RERE: variants seen among roughly 807,000 people sequenced by gnomAD.
RERE encodes the protein arginine-glutamic acid dipeptide repeats protein.
A neutral mutation model predicts 146.1 loss-of-function variants in RERE; 40 were observed. The ratio of observed to expected loss-of-function variants is 0.27; its 90% CI spans 0.21 to 0.36. The LOEUF is 0.36. Among genes scored for constraint, RERE ranks in the 10% least tolerant of loss-of-function variants. The pLI is 1.00. For synonymous variants in RERE, 1,003 were observed against 866.0 expected (o/e 1.16, Z -2.78); for missense variants, 1,933 against 2,138.7 (o/e 0.90, Z 1.90).
intron 6 of RERE, among the ~76,000 whole-genome samples, chr1:8,546,804 C>T (rs1481230442): frequency 6.7e-6 from 1 of 149,986 alleles, no homozygotes; most frequent in Non-Finnish European, 1.5e-5. Flanking sequence ...GCCAAGATGG[C>T]GCCACTACAA....
chr1:8,536,528 C>T (rs1346684043), intron 7 of RERE, among the ~76,000 whole-genome samples: 2 of 152,216 alleles, frequency 1.3e-5, no homozygotes, highest in African/African-American at 4.8e-5. Flanking sequence ...ACCACCGACG[C>T]TGGTGTTTTA....
Position 8,654,787 on chromosome 1 carries a change from C to T in RERE, c.325+1186G>A, listed in dbSNP as rs530800529. 2.6e-5 allele frequency among the ~76,000 whole-genome samples: 4 copies of T among 152,070 alleles called. No homozygotes were observed. In the East Asian group the frequency reaches 7.7e-4, roughly 29 times the overall value. ...TAGCTGGGACTACAGGTGTGTGCCA[C>T]CAGGCCCAGCTAATTTGTAAAAATT... On this transcript the variant is annotated intron_variant, in intron 2 of 22. Transcript: ENST00000400908.
rs761559143 is a variant in RERE at position 8,463,857 on chromosome 1, C to T, written c.1203+2068G>A. Among the ~76,000 whole-genome samples the T allele has an allele frequency of 5.4e-4, 82 of 152,312 alleles. 1 individual carries two copies. Among genetic ancestry groups the T allele is most frequent in the South Asian group, 6.2e-4 (3 of 4,828 alleles). On this transcript the variant is annotated intron_variant, in intron 11 of 22. Coordinates refer to ENST00000400908, the MANE Select transcript of RERE (RefSeq NM_001042681.2). Reference sequence around the variant, plus strand: ...TTGCAAGCTGACAAGGCCCTGAGGCCGCCTAGGCCAGGCTGAGAGGACTGA... The same window carrying T: ...TTGCAAGCTGACAAGGCCCTGAGGCTGCCTAGGCCAGGCTGAGAGGACTGA...
intron 4 of RERE, among the ~76,000 whole-genome samples, chr1:8,568,024 T>C (rs1646172740): frequency 6.6e-6 from 1 of 152,228 alleles, no homozygotes; most frequent in African/African-American, 2.4e-5. Context: ...TGGGTGTGTC[T>C]GTACAGGTGT....
chr1:8,607,534 C>CTTTTTTTTTTTTTTTTTTTTTTT lies in RERE; in HGVS notation c.522+7004_522+7026dup, dbSNP rs1167501074. ...CGCATATTTGTTTTTATATATATTT[C>CTTTTTTTTTTTTTTTTTTTTTTT]TTTTTTTTTTTTTTTTTTTTTTTTT... On this transcript the variant is annotated intron_variant, in intron 4 of 22. Transcript: ENST00000400908. Among the ~76,000 whole-genome samples the CTTTTTTTTTTTTTTTTTTTTTTT allele has an allele frequency of 4.3e-4, 21 of 48,584 alleles. 4 individuals are homozygous for CTTTTTTTTTTTTTTTTTTTTTTT. Among genetic ancestry groups the CTTTTTTTTTTTTTTTTTTTTTTT allele is most frequent in the East Asian group, 1.7e-3 (2 of 1,158 alleles). 31.9% of individuals were successfully genotyped at this position (48,584 alleles called of 152,430 possible). A position where few individuals can be genotyped will look rare whatever the true frequency, so the allele number is the denominator to read the frequency against.
At chr1:8,409,954 C>T (rs1643565687) in intron 12 of RERE, among the ~76,000 whole-genome samples, 1 of 144,434 alleles carries the variant, frequency 6.9e-6, no homozygotes, top group Non-Finnish European at 1.5e-5. Context: ...CCTGGGTATG[C>T]ACTATTCAAT....
chr1:8,595,523 G>C (rs1323596101), intron 4 of RERE, among the ~76,000 whole-genome samples: 1 of 150,988 alleles, frequency 6.6e-6, no homozygotes, highest in Non-Finnish European at 1.5e-5. Context: ...TGTATTTTAT[G>C]TATTTATTTT....
At position 8,358,582 on chromosome 1, in the gene RERE, T is replaced by G; in HGVS notation, c.3953A>C (p.Glu1318Ala). The G allele has an allele frequency of 1.9e-6, 3 of 1,604,816 alleles. No homozygotes were observed. Among genetic ancestry groups the G allele is most frequent in the Non-Finnish European group, 2.6e-6 (3 of 1,175,682 alleles). Residue 1318 changes from glutamate (E) to alanine (A), a missense_variant, in exon 20 of 23, where the codon GAG becomes GCG. Coordinates refer to ENST00000400908, the MANE Select transcript of RERE (RefSeq NM_001042681.2). ...EIREREIRER[E>A]LRERMKPGFE... is the part of the protein sequence containing the mutation. ...GCCCGGCTTCATCCTCTCCCGCAGC[T>G]CCCGCTCTCGGATCTCCCGCTCTCG...
intron 7 of RERE, among the ~76,000 whole-genome samples, chr1:8,535,404 T>C (rs1645711674): frequency 1.3e-5 from 2 of 152,170 alleles, no homozygotes; most frequent in South Asian, 4.1e-4. Flanking sequence ...TTTCCTGATT[T>C]TGAGGGCTGT....
At chr1:8,581,721 T>C (rs1016953906) in intron 4 of RERE, among the ~76,000 whole-genome samples, 3 of 152,190 alleles carry the variant, frequency 2.0e-5, no homozygotes, top group African/African-American at 4.8e-5. Context: ...AATTTGATCA[T>C]ATATGTGTGG....
chr1:8,542,992 TAAC>T (rs1445897590), intron 6 of RERE, among the ~76,000 whole-genome samples: 1 of 152,310 alleles, frequency 6.6e-6, no homozygotes, highest in Non-Finnish European at 1.5e-5. Flanking sequence ...TATTTGATCT[TAAC>T]AAATAAATTA....
At chr1:8,377,467 A>G (rs1372804703) in intron 12 of RERE, among the ~76,000 whole-genome samples, 1 of 152,094 alleles carries the variant, frequency 6.6e-6, no homozygotes, top group Non-Finnish European at 1.5e-5. Context: ...CAAGCTGAAC[A>G]CTTCATTATT....
chr1:8,399,670 T>A (rs1250373441), intron 12 of RERE, among the ~76,000 whole-genome samples: 1 of 152,338 alleles, frequency 6.6e-6, no homozygotes, highest in East Asian at 1.9e-4. Context: ...AAAGTTTTGA[T>A]TGAAATGATA....
At chr1:8,690,295 T>C (rs1639182046) in intron 1 of RERE, among the ~76,000 whole-genome samples, 1 of 152,208 alleles carries the variant, frequency 6.6e-6, no homozygotes, top group African/African-American at 2.4e-5. Context: ...TTCCTCTTCT[T>C]ATAAGGACAC....
chr1:8,496,360 C>T (rs1407532404), intron 9 of RERE, among the ~76,000 whole-genome samples: 1 of 152,096 alleles, frequency 6.6e-6, no homozygotes, highest in East Asian at 1.9e-4. Context: ...GTCTATAACC[C>T]TAGCTACTCA....
intron 7 of RERE, among the ~76,000 whole-genome samples, chr1:8,514,465 C>G (rs1645384921): frequency 6.6e-6 from 1 of 152,178 alleles, no homozygotes; most frequent in Non-Finnish European, 1.5e-5. Context: ...CGAGGTGGCT[C>G]ACGCCTGTAA....
At position 8,731,518 on chromosome 1, in the gene RERE, C is replaced by T. The variant is rs191395782; in HGVS notation, c.-144-75077G>A. 7.2e-5 allele frequency among the ~76,000 whole-genome samples: 11 copies of T among 152,120 alleles called. No individual in the cohort carries two copies. The East Asian group carries it at 2.1e-3, about 29-fold the overall frequency. On this transcript the variant is annotated intron_variant, in intron 1 of 22. Transcript: ENST00000400908. ...CTAAAGACTTACGCCCACTAAAAAA[C>T]TGAGATTTAATATTAGATTACAGAA...
intron 7 of RERE, among the ~76,000 whole-genome samples, chr1:8,521,057 A>G (rs1370716380): frequency 1.3e-5 from 2 of 151,982 alleles, no homozygotes; most frequent in African/African-American, 4.8e-5. Context: ...GAGAACACAA[A>G]CAGGCAATAA....
intron 10 of RERE, 98 bp from the exon 11 acceptor site, chr1:8,466,121 G>C (rs554458617): frequency 3.9e-6 from 4 of 1,021,060 alleles, no homozygotes; most frequent in Non-Finnish European, 5.7e-6. Context: ...TCCCACAGAA[G>C]AGTCAGGAAA....
Sources: gnomAD v4.1 joint callset for allele counts (sites outside exome capture counted in the v4.1 genomes callset) on GRCh38, gnomAD v4.1.1 for gene constraint, MANE v1.5 for transcripts, NCBI Gene and HGNC (gene_info 2026-07-23, HGNC 2026-07-21) for gene names.